Variants in ZNF233 observed in about 807,000 individuals in gnomAD.
ZNF233 encodes zinc finger protein 233.
ZNF233 carries 7 observed loss-of-function variants against 11.6 expected under a neutral mutation model. The ratio of observed to expected loss-of-function variants is 0.60; its 90% confidence interval spans 0.34 to 1.13. ZNF233 has a LOEUF of 1.13. Ranked by LOEUF, ZNF233 falls within the 50% of genes most tolerant of loss-of-function variation. The pLI, the probability that ZNF233 is intolerant of heterozygous loss-of-function variation, is 0.03. For missense variants in ZNF233, 711 were observed against 785.5 expected, an observed-to-expected ratio of 0.91 and a Z score of 1.13; for synonymous variants, 226 against 268.5, an observed-to-expected ratio of 0.84 and a Z score of 1.55.
At chr19:44,271,251 GT>G (rs1259628692) in intron 4 of ZNF233, among the ~76,000 whole-genome samples, 1 of 152,092 alleles carries the variant, frequency 6.6e-6, no homozygotes, top group Admixed American at 6.6e-5. Flanking sequence ...TATCTTATGG[GT>G]TCATTCTCAA....
chr19:44,264,108 T>C (rs1975002215), intron 1 of ZNF233, among the ~76,000 whole-genome samples: 1 of 152,130 alleles, frequency 6.6e-6, no homozygotes, highest in South Asian at 2.1e-4. Context: ...ACCCAGCTAA[T>C]TATTGTATTT....
chr19:44,274,893 T>C lies in ZNF233; in HGVS notation c.*220T>C, dbSNP rs1414995698. The C allele has an allele frequency of 4.1e-6, 2 of 488,288 alleles. No homozygotes were observed. Among genetic ancestry groups the C allele is most frequent in the African/African-American group, 3.9e-5 (2 of 51,750 alleles). The allele number at this position is 488,288 out of a possible 1,614,324, so 30.2% of individuals were successfully genotyped here. A position where few individuals can be genotyped will look rare whatever the true frequency, so the allele number is the denominator to read the frequency against. ...TCAAGCAGAGCCCAAAATGTCACAG[T>C]TGTCAAGAGAACACACAACAGAGAA... On this transcript the variant is annotated 3_prime_UTR_variant, in exon 5 of 5. Transcript: ENST00000683810.
intron 4 of ZNF233, among the ~76,000 whole-genome samples, chr19:44,271,786 A>C (rs953035769): frequency 2.9e-4 from 44 of 152,160 alleles, no homozygotes; most frequent in Non-Finnish European, 1.5e-5. Flanking sequence ...CTAGGATTAC[A>C]GGTGAGAGCC....
In ZNF233 at chr19:44,272,751, G is replaced by T. The variant is rs181581948; in HGVS notation, c.239-148G>T. The T allele has an allele frequency of 7.7e-5, 45 of 586,752 alleles. No homozygotes were observed. In the East Asian group the frequency reaches 1.3e-3, roughly 17 times the overall value. The allele number at this position is 586,752 out of a possible 1,614,324, so 36.3% of individuals were successfully genotyped here. Reference sequence around the variant, plus strand: ...CTCCGTCTCAAAAAACAAAAAAAGAGAAAAAAAAACAATGATAAAGTCAAG... The same window carrying T: ...CTCCGTCTCAAAAAACAAAAAAAGATAAAAAAAAACAATGATAAAGTCAAG... On this transcript the variant is annotated intron_variant, in intron 4 of 4. Transcript: ENST00000683810.
At chr19:44,265,025 A>G (rs534536494) in intron 2 of ZNF233, among the ~76,000 whole-genome samples, 2 of 152,294 alleles carry the variant, frequency 1.3e-5, no homozygotes, top group African/African-American at 4.8e-5. Context: ...GTATAATTGC[A>G]TTAGCCCACC....
rs1383103073 is a variant in ZNF233, at chr19:44,266,937, G to T, written c.214G>T (p.Glu72Ter). The T allele has an allele frequency of 1.2e-6, 2 of 1,613,894 alleles. No homozygotes were observed. The highest frequency in any genetic ancestry group is 2.7e-5 in the African/African-American group (2 of 74,928). ...KEDKLRMMETEIQGDGCSGHK... is the reference protein window; with the variant it reads ...KEDKLRMMET ...AGACAAGCTTCGGATGATGGAGACA[G>T]AAATCCAAGGAGATGGGTGTTCAGG... Residue 72 changes from glutamate (E) to a stop codon, truncating the protein, a stop_gained, in exon 4 of 5, where the codon GAA (glutamate) becomes TAA (stop). Coordinates refer to ENST00000683810, the MANE Select transcript of ZNF233 (RefSeq NM_001207005.2). LOFTEE classifies it low-confidence loss of function (END_TRUNC).
At chr19:44,263,805 T>G (rs1454982075) in intron 1 of ZNF233, among the ~76,000 whole-genome samples, 1 of 152,222 alleles carries the variant, frequency 6.6e-6, no homozygotes, top group Non-Finnish European at 1.5e-5. Flanking sequence ...CAAAAGACAT[T>G]TGCAACAACA....
At position 44,274,295 on chromosome 19, in the gene ZNF233, T is replaced by C. The variant is rs757702825; in HGVS notation, c.1635T>C (p.Phe545=). Residue 545 remains phenylalanine (F), a synonymous_variant, in exon 5 of 5, where the codon TTT becomes TTC. Transcript: ENST00000683810. The part of the protein sequence containing the change: ...PYKCETCGKG[F]SQSSHLQDHQ... ...AATGTGAGACATGTGGGAAGGGCTTTAGTCAGAGTTCGCATCTCCAAGACC... is the reference window on the plus strand; with the variant it reads ...AATGTGAGACATGTGGGAAGGGCTTCAGTCAGAGTTCGCATCTCCAAGACC... The C allele has an allele frequency of 2.5e-6, 4 of 1,612,896 alleles. No homozygotes were observed. Among genetic ancestry groups the C allele is most frequent in the Admixed American group, 3.3e-5 (2 of 59,894 alleles).
chr19:44,266,470 TTGTC>T, intron 3 of ZNF233, 146 bp downstream of exon 3: 1 of 1,114,486 alleles, frequency 9.0e-7, no homozygotes, highest in Non-Finnish European at 1.2e-6. Context: ...TGTCTATACC[TTGTC>T]TATTTTTCTC....
chr19:44,269,295 T>C lies in ZNF233; in HGVS notation c.238+2334T>C, dbSNP rs553186409. On this transcript the variant is annotated intron_variant, in intron 4 of 4. Transcript: ENST00000683810. ...CTCCTTAGCAAATCTTGACTGTTTT[T>C]GTTTTTTTTTTCTTTTTTTGAGATG... Among the ~76,000 whole-genome samples, 106 of 152,126 alleles carry C rather than the reference T, an allele frequency of 7.0e-4. 1 individual carries two copies. Among genetic ancestry groups the C allele is most frequent in the African/African-American group, 2.5e-3 (103 of 41,498 alleles).
intron 1 of ZNF233, among the ~76,000 whole-genome samples, chr19:44,263,276 T>C (rs572576350): frequency 6.6e-6 from 1 of 152,308 alleles, no homozygotes; most frequent in African/African-American, 2.4e-5. Context: ...TGAAGAACAT[T>C]TGTATCACCC....
Position 44,266,180 on chromosome 19 carries a change from A to G in ZNF233, c.16-18A>G, listed in dbSNP as rs1307006616. On this transcript the variant is annotated intron_variant, in intron 2 of 4. Coordinates refer to ENST00000683810, the MANE Select transcript of ZNF233 (RefSeq NM_001207005.2). ...TTATTGGCCATAAGATTGAGATTAC[A>G]TCTGCTTGATGTTGTAGGAGATGGT... 1 of 1,599,132 alleles carries G rather than the reference A, an allele frequency of 6.3e-7. No individual in the cohort carries two copies. Among genetic ancestry groups the G allele is most frequent in the Admixed American group, 1.7e-5 (1 of 59,068 alleles).
In ZNF233 at chr19:44,264,333, T is replaced by C; in HGVS notation, c.-28T>C. The C allele has an allele frequency of 6.2e-7, 1 of 1,613,092 alleles. No individual in the cohort carries two copies. The highest frequency in any genetic ancestry group is 8.5e-7 in the Non-Finnish European group (1 of 1,179,350). On this transcript the variant is annotated 5_prime_UTR_variant, in exon 2 of 5. Transcript: ENST00000683810. The stretch of plus-strand genomic sequence containing the variant: ...TCCCAGTTCTGCCTTCCCAGGACCC[T>C]GCCCTTCCCCAGAAGGAGCAGGAGA...
At chr19:44,264,447 T>C in intron 2 of ZNF233, 72 bp downstream of exon 2, 23 of 1,441,056 alleles carry the variant, frequency 1.6e-5, no homozygotes, top group Non-Finnish European at 2.2e-5. Flanking sequence ...CTTTTTTTTC[T>C]CTTCCTTGGG....
rs750459777 is a variant in ZNF233, at chr19:44,266,915, C to G, written c.192C>G (p.Asp64Glu). The change falls in exon 4 of 5, where the codon GAC becomes GAG. Residue 64 changes from aspartate (D) to glutamate (E), a missense_variant. Transcript: ENST00000683810. ...LDVILQLGKE[D>E]KLRMMETEIQ... Reference sequence around the variant, plus strand: ...TGATATTACAGTTGGGAAAAGAAGACAAGCTTCGGATGATGGAGACAGAAA... The same window carrying G: ...TGATATTACAGTTGGGAAAAGAAGAGAAGCTTCGGATGATGGAGACAGAAA... 3 of 1,613,946 alleles carry G rather than the reference C, an allele frequency of 1.9e-6. No individual in the cohort carries two copies. The African/African-American group carries it at 4.0e-5, about 22-fold the overall frequency.
rs1975300150 is a variant in ZNF233, at chr19:44,273,473, T to C, written c.813T>C (p.Ser271=). Residue 271 remains serine (S), a synonymous_variant, in exon 5 of 5, where the codon TCT becomes TCC. Coordinates refer to ENST00000683810, the MANE Select transcript of ZNF233 (RefSeq NM_001207005.2). ...ATGGAAAAGGCTTAAGTGTTGGCTC[T>C]AATCTTGAACTTCACCAGCAACTAC... The part of the protein sequence containing the change: ...DENGKGLSVG[S]NLELHQQLHL... 1.2e-6 allele frequency: 2 copies of C among 1,614,238 alleles called. No individual in the cohort carries two copies. Among genetic ancestry groups the C allele is most frequent in the Admixed American group, 3.3e-5 (2 of 60,028 alleles).
chr19:44,272,952 C>A lies in ZNF233; in HGVS notation c.292C>A (p.Leu98Ile). The change falls in exon 5 of 5, where the codon CTT becomes ATT. Residue 98 changes from leucine (L) to isoleucine (I), a missense_variant. Physicochemically the swap from Leu to Ile is conservative, Grantham distance 5. Transcript: ENST00000683810. Reference protein sequence around the residue: ...DTLQEVRLRFLSYEDLICWQI... With the variant: ...DTLQEVRLRFISYEDLICWQI... ...CCTTCAAGAAGTAAGATTAAGATTC[C>A]TTTCATATGAAGACCTTATATGCTG... 6.2e-7 allele frequency: 1 copy of A among 1,609,558 alleles called. No individual in the cohort carries two copies. The highest frequency in any genetic ancestry group is 8.5e-7 in the Non-Finnish European group (1 of 1,178,932).
chr19:44,262,091 A>C (rs559729669), intron 1 of ZNF233, among the ~76,000 whole-genome samples: 1 of 152,346 alleles, frequency 6.6e-6, no homozygotes, highest in South Asian at 2.1e-4. Flanking sequence ...TTGTAGCTTA[A>C]AGGAATCTTG....
At chr19:44,266,006 G>A (rs918148311) in intron 2 of ZNF233, 192 bp from the exon 3 acceptor site, 5 of 409,212 alleles carry the variant, frequency 1.2e-5, no homozygotes, top group African/African-American at 2.1e-5. Context: ...ACACACTTTT[G>A]ATGTGACTGT....
Sources: allele counts gnomAD v4.1 joint callset (sites outside exome capture counted in the v4.1 genomes callset), GRCh38; gene constraint gnomAD v4.1.1; transcripts MANE v1.5; gene names NCBI Gene and HGNC (gene_info 2026-07-23, HGNC 2026-07-21).